BCL9: variants seen among roughly 807,000 people sequenced by gnomAD.
BCL9 encodes BCL9 transcription coactivator.
In BCL9, 25 loss-of-function variants were observed where a neutral mutation model predicts 88.5. The observed-to-expected ratio is 0.28, with a 90% CI of 0.21 to 0.39. BCL9 has a LOEUF of 0.39. BCL9 is among the 10% of genes least tolerant of loss of function. The pLI, the probability that BCL9 is intolerant of heterozygous loss-of-function variation, is 1.00. For missense variants in BCL9, 1,817 were observed against 1,877.8 expected, an observed-to-expected ratio of 0.97 and a Z score of 0.60; for synonymous variants, 711 against 673.3, an observed-to-expected ratio of 1.06 and a Z score of -0.87.
intron 1 of BCL9, among the ~76,000 whole-genome samples, chr1:147,578,758 G>A (rs77938772): frequency 0.034 from 5,121 of 152,190 alleles, 122 homozygotes; most frequent in Non-Finnish European, 0.042. Flanking sequence ...CATGGTTTGT[G>A]TCATATTAAC....
At chr1:147,601,224 A>C (rs1327741340) in intron 1 of BCL9, among the ~76,000 whole-genome samples, 1 of 152,170 alleles carries the variant, frequency 6.6e-6, no homozygotes, top group Non-Finnish European at 1.5e-5. Context: ...GCTGGGGACT[A>C]ATAAAGTTAC....
intron 1 of BCL9, among the ~76,000 whole-genome samples, chr1:147,548,979 C>CTTTCT (rs369883527): frequency 1.1e-4 from 12 of 111,340 alleles, no homozygotes; most frequent in Non-Finnish European, 1.9e-4. Context: ...TTCTTTCTTT[C>CTTTCT]TTTTTTTTTT....
intron 2 of BCL9, among the ~76,000 whole-genome samples, chr1:147,606,368 A>G (rs1196672990): frequency 6.6e-6 from 1 of 152,206 alleles, no homozygotes; most frequent in African/African-American, 2.4e-5. Context: ...CACTTTGTAA[A>G]TTCAGAGACA....
rs587609562 is a variant in BCL9 at position 147,611,696 on chromosome 1, C to A, written c.-141C>A. 6.6e-5 allele frequency: 47 copies of A among 715,874 alleles called. 1 individual carries two copies. The Middle Eastern group carries it at 1.8e-3, about 27-fold the overall frequency. The allele number at this position is 715,874 out of a possible 1,614,324, so 44.3% of individuals were successfully genotyped here. ...CAGAGAAAAACAAAGAGGAAAAAGG[C>A]ATACAGGCAGCGAGCGCTAAGGGAC... On this transcript the variant is annotated 5_prime_UTR_variant, in exon 4 of 10. Coordinates refer to ENST00000234739, the MANE Select transcript of BCL9 (RefSeq NM_004326.4).
At chr1:147,564,420 T>C (rs778339564) in intron 1 of BCL9, among the ~76,000 whole-genome samples, 14 of 152,064 alleles carry the variant, frequency 9.2e-5, no homozygotes, top group Non-Finnish European at 1.9e-4. Flanking sequence ...TCAGGCAAGG[T>C]GAGGGACTGG....
intron 1 of BCL9, among the ~76,000 whole-genome samples, chr1:147,579,811 G>C (rs587705261): frequency 6.6e-6 from 1 of 152,292 alleles, no homozygotes; most frequent in African/African-American, 2.4e-5. Context: ...GCTAAGTCTG[G>C]CAAATATTAA....
intron 1 of BCL9, among the ~76,000 whole-genome samples, chr1:147,595,621 A>G (rs1553200385): frequency 6.6e-6 from 1 of 152,160 alleles, no homozygotes; most frequent in African/African-American, 2.4e-5. Context: ...AGGCCAAGGT[A>G]GGAGGATTGC....
chr1:147,582,167 A>C (rs1214482626), intron 1 of BCL9, among the ~76,000 whole-genome samples: 1 of 152,234 alleles, frequency 6.6e-6, no homozygotes, highest in Admixed American at 6.5e-5. Context: ...ACTGTTTCAT[A>C]TAACTTTATA....
intron 2 of BCL9, among the ~76,000 whole-genome samples, chr1:147,606,210 C>T (rs587674390): frequency 2.6e-5 from 4 of 152,274 alleles, no homozygotes; most frequent in Admixed American, 2.0e-4. Flanking sequence ...CAATTCAGTA[C>T]CGCACTTTGC....
rs1357272075 is a variant in BCL9, at chr1:147,570,630, C to CTTTTCTTTTTTT, written c.-478+28960_-478+28961insCTTTTTTTTTTT. ...TAACACAAAATTGTTGACTGATTTTCTTTTTTTTCTTTTTTTTTTTTGTAG... is the reference window on the plus strand; with the variant it reads ...TAACACAAAATTGTTGACTGATTTTCTTTTCTTTTTTTTTTTTTTTCTTTTTTTTTTTTGTAG... On this transcript the variant is annotated intron_variant, in intron 1 of 9. Coordinates refer to ENST00000234739, the MANE Select transcript of BCL9 (RefSeq NM_004326.4). Among the ~76,000 whole-genome samples, 10 of 15,162 alleles carry CTTTTCTTTTTTT rather than the reference C, an allele frequency of 6.6e-4. 2 individuals carry two copies. Among genetic ancestry groups the CTTTTCTTTTTTT allele is most frequent in the Admixed American group, 9.2e-4 (1 of 1,082 alleles). The allele number at this position is 15,162 out of a possible 152,430, so 9.9% of individuals were successfully genotyped here.
intron 1 of BCL9, among the ~76,000 whole-genome samples, chr1:147,577,865 T>TGTGC (rs1377447814): frequency 1.6e-4 from 24 of 151,940 alleles, no homozygotes; most frequent in African/African-American, 5.8e-4. Context: ...TGTGTGTGTG[T>TGTGC]GTGTGTATAA....
intron 1 of BCL9, among the ~76,000 whole-genome samples, chr1:147,564,523 G>A (rs771383939): frequency 2.2e-4 from 33 of 152,098 alleles, no homozygotes; most frequent in Non-Finnish European, 3.4e-4. Flanking sequence ...CTGAGACCTT[G>A]GGGAAAACGT....
At chr1:147,602,645 A>G (rs1287523964) in intron 1 of BCL9, among the ~76,000 whole-genome samples, 6 of 152,210 alleles carry the variant, frequency 3.9e-5, no homozygotes, top group Non-Finnish European at 7.3e-5. Context: ...TGAATATAAG[A>G]TGATAATGGT....
rs903189898 is a variant in BCL9, at chr1:147,613,134, G to A, written c.305G>A (p.Ser102Asn). The change falls in exon 5 of 10, where the codon AGT becomes AAT. Residue 102 changes from serine to asparagine, a missense_variant. Ser to Asn is a conservative substitution (Grantham distance 46, BLOSUM62 1). Coordinates refer to ENST00000234739, the MANE Select transcript of BCL9 (RefSeq NM_004326.4). The part of the protein sequence containing the change: ...GAKGKGKRER[S>N]ISADSFDQRD... Reference sequence around the variant, plus strand: ...AAGGGCAAGGGGAAAAGGGAGCGAAGTATTTCCGCCGACTCCTTTGATCAG... The same window carrying A: ...AAGGGCAAGGGGAAAAGGGAGCGAAATATTTCCGCCGACTCCTTTGATCAG... 3.7e-6 allele frequency: 6 copies of A among 1,614,198 alleles called. No individual in the cohort carries two copies. Among genetic ancestry groups the A allele is most frequent in the African/African-American group, 1.3e-5 (1 of 75,048 alleles).
chr1:147,605,534 G>A (rs1657652673), intron 2 of BCL9, among the ~76,000 whole-genome samples: 1 of 152,172 alleles, frequency 6.6e-6, no homozygotes. Context: ...TCTTTAGCTT[G>A]ATATAAAATT....
At chr1:147,598,663 C>T (rs73009861) in intron 1 of BCL9, among the ~76,000 whole-genome samples, 14,294 of 152,244 alleles carry the variant, frequency 0.094, 1,755 homozygotes, top group African/African-American at 0.29. Flanking sequence ...CTCCATCTGT[C>T]TCCAGGGAGA....
At chr1:147,602,760 C>T (rs782746488) in intron 1 of BCL9, among the ~76,000 whole-genome samples, 1 of 152,148 alleles carries the variant, frequency 6.6e-6, no homozygotes, top group African/African-American at 2.4e-5. Flanking sequence ...CACTTGCTTC[C>T]TCAGAAGTGT....
In BCL9 at chr1:147,620,642, C is replaced by T; in HGVS notation, c.2487C>T (p.Thr829=). ...PLPLNPSSNP[T]SLNTAPPVQR... Reference sequence around the variant, plus strand: ...CTCTCAACCCTTCCAGTAACCCCACCAGCCTCAACACAGCTCCTCCAGTTC... The same window carrying T: ...CTCTCAACCCTTCCAGTAACCCCACTAGCCTCAACACAGCTCCTCCAGTTC... Residue 829 remains threonine (T), a synonymous_variant, in exon 8 of 10, where the codon ACC becomes ACT. Transcript: ENST00000234739. The T allele has an allele frequency of 6.2e-7, 1 of 1,614,186 alleles. No homozygotes were observed. The highest frequency in any genetic ancestry group is 8.5e-7 in the Non-Finnish European group (1 of 1,180,034).
chr1:147,560,538 C>A (rs1164527862), intron 1 of BCL9, among the ~76,000 whole-genome samples: 3 of 149,638 alleles, frequency 2.0e-5, no homozygotes, highest in African/African-American at 7.4e-5. Context: ...ACCCGAGAGG[C>A]GGAGGTTGCA....
Sources: allele counts gnomAD v4.1 joint callset (sites outside exome capture counted in the v4.1 genomes callset), GRCh38; gene constraint gnomAD v4.1.1; transcripts MANE v1.5; gene names NCBI Gene and HGNC (gene_info 2026-07-23, HGNC 2026-07-21).